Variants in ART3 observed in about 807,000 individuals in gnomAD.
ART3 encodes the protein ecto-ADP-ribosyltransferase 3.
Under a neutral mutation model 48.5 loss-of-function variants are expected in ART3, and 49 were observed. The ratio of observed to expected loss-of-function variants is 1.01; its 90% confidence interval spans 0.80 to 1.28. The LOEUF (loss-of-function observed/expected upper bound fraction) is 1.28. ART3 is among the 50% of genes most tolerant of loss of function. ART3 has a pLI of 0.00. For missense variants in ART3, 438 were observed against 454.3 expected (o/e 0.96, Z 0.33); for synonymous variants, 145 against 157.2 (o/e 0.92, Z 0.58).
chr4:76,110,929 C>T lies in ART3; in HGVS notation c.1037-1457C>T, dbSNP rs540167162. ...ATCATTTACTACCATAAAACATACACAAATCTATTGTAAAACGTTAGTATT... is the reference window on the plus strand; with the variant it reads ...ATCATTTACTACCATAAAACATACATAAATCTATTGTAAAACGTTAGTATT... On this transcript the variant is annotated intron_variant, in intron 11 of 11. Coordinates refer to ENST00000355810, the MANE Select transcript of ART3 (RefSeq NM_001130016.3). 3.1e-4 allele frequency among the ~76,000 whole-genome samples: 46 copies of T among 150,418 alleles called. 1 individual carries two copies. In the South Asian group the frequency reaches 9.7e-3, roughly 32 times the overall value.
chr4:76,060,750 A>G (rs1197814581), intron 1 of ART3, among the ~76,000 whole-genome samples: 3 of 152,198 alleles, frequency 2.0e-5, no homozygotes, highest in Non-Finnish European at 2.9e-5. Flanking sequence ...TTTGATTATG[A>G]GAGATTCCAC....
chr4:76,049,536 G>A (rs1735832904), intron 1 of ART3, among the ~76,000 whole-genome samples: 1 of 151,892 alleles, frequency 6.6e-6, no homozygotes, highest in Non-Finnish European at 1.5e-5. Flanking sequence ...AAGAGTCAGG[G>A]GTTGTTAGAG....
intron 1 of ART3, among the ~76,000 whole-genome samples, chr4:76,049,283 G>A (rs536095056): frequency 6.6e-6 from 1 of 152,102 alleles, no homozygotes; most frequent in African/African-American, 2.4e-5. Flanking sequence ...GAAGACAGGC[G>A]AGAGGAAGTT....
chr4:76,088,960 T>TAA (rs1724221227), intron 3 of ART3, among the ~76,000 whole-genome samples: 1 of 152,192 alleles, frequency 6.6e-6, no homozygotes. Context: ...TGGATCTTTT[T>TAA]AGCAATTGTT....
intron 1 of ART3, among the ~76,000 whole-genome samples, chr4:76,061,157 G>A (rs1719177561): frequency 6.6e-6 from 1 of 152,158 alleles, no homozygotes; most frequent in Admixed American, 6.5e-5. Context: ...GAACTAGTCA[G>A]TTGCCTATTG....
Position 76,112,378 on chromosome 4 carries a change from G to T in ART3, c.1037-8G>T, listed in dbSNP as rs72655520. 0.02 allele frequency: 31,840 copies of T among 1,611,980 alleles called. 374 individuals are homozygous for T. The highest frequency in any genetic ancestry group is 0.023 in the Non-Finnish European group (26,889 of 1,179,216). Reference sequence around the variant, plus strand: ...GATGTGTCAGTGACTGTGTATTCTTGTTAACAGCTCCAGGTCCAGTTCCTG... The same window carrying T: ...GATGTGTCAGTGACTGTGTATTCTTTTTAACAGCTCCAGGTCCAGTTCCTG... On this transcript the variant is annotated splice_region_variant and splice_polypyrimidine_tract_variant and intron_variant, in intron 11 of 11. Transcript: ENST00000355810.
At chr4:76,043,583 C>G (rs1006614286) in intron 1 of ART3, among the ~76,000 whole-genome samples, 3 of 152,216 alleles carry the variant, frequency 2.0e-5, no homozygotes, top group African/African-American at 7.2e-5. Context: ...GTTCCGAGTG[C>G]GGGGCCCACC....
intron 10 of ART3, chr4:76,105,453 G>C: frequency 8.0e-7 from 1 of 1,252,346 alleles, no homozygotes; most frequent in Non-Finnish European, 1.0e-6. Flanking sequence ...CTAGCAAAAT[G>C]AATGGTGGTA....
At chr4:76,035,181 G>C (rs1560586103) in intron 1 of ART3, 1 of 1,613,842 alleles carries the variant, frequency 6.2e-7, no homozygotes, top group East Asian at 2.2e-5. Context: ...AAAAAAGCCT[G>C]CACCATTGTC....
chr4:76,020,611 G>A (rs928335338), intron 1 of ART3, among the ~76,000 whole-genome samples: 1 of 152,196 alleles, frequency 6.6e-6, no homozygotes, highest in Non-Finnish European at 1.5e-5. Context: ...AGGAGAAACA[G>A]ATCTCAGGGA....
intron 1 of ART3, among the ~76,000 whole-genome samples, chr4:76,049,642 GA>G (rs61256927): frequency 0.62 from 93,297 of 151,172 alleles, 30,123 homozygotes; most frequent in East Asian, 0.94. Flanking sequence ...TTTAGCCCCC[GA>G]AATTTTAAGG....
intron 1 of ART3, among the ~76,000 whole-genome samples, chr4:76,043,008 T>C (rs1735121754): frequency 1.3e-5 from 2 of 151,804 alleles, no homozygotes; most frequent in African/African-American, 4.8e-5. Flanking sequence ...ATTAGCTAGA[T>C]ACAGAGTGTC....
chr4:76,080,216 A>G (rs917204499), intron 2 of ART3, among the ~76,000 whole-genome samples: 2 of 152,206 alleles, frequency 1.3e-5, no homozygotes, highest in South Asian at 4.1e-4. Context: ...GTTCACTTGA[A>G]TATTTTGCCA....
chr4:76,099,160 G>A (rs145048649), intron 5 of ART3, 173 bp downstream of exon 5: 7,718 of 608,370 alleles, frequency 0.013, 265 homozygotes, highest in African/African-American at 0.088. Flanking sequence ...AACTTAGCCA[G>A]GCATGGTGGT....
intron 1 of ART3, among the ~76,000 whole-genome samples, chr4:76,014,630 A>G (rs1732097467): frequency 6.6e-6 from 1 of 152,044 alleles, no homozygotes; most frequent in African/African-American, 2.4e-5. Flanking sequence ...ACAGAAGACT[A>G]TTCACAGAAG....
chr4:76,025,413 G>T (rs1185278969), intron 1 of ART3, among the ~76,000 whole-genome samples: 3 of 152,104 alleles, frequency 2.0e-5, no homozygotes, highest in African/African-American at 7.2e-5. Context: ...AATGTAAAAA[G>T]GAGATACTTG....
intron 3 of ART3, among the ~76,000 whole-genome samples, chr4:76,091,346 A>G (rs1355778590): frequency 6.6e-6 from 1 of 152,228 alleles, no homozygotes; most frequent in East Asian, 1.9e-4. Context: ...TACCTGTACC[A>G]TTTTACATTC....
upstream of ART3, among the ~76,000 whole-genome samples, chr4:76,070,118 CTGTGAACATTTGACAGG>C (rs1298025596): frequency 1.3e-5 from 2 of 152,162 alleles, no homozygotes; most frequent in African/African-American, 4.8e-5. Flanking sequence ...AATCAACCTG[CTGTGAACATTTGACAGG>C]TGTGAACATA....
Position 76,056,084 on chromosome 4 carries a change from G to A in ART3, c.-9-19797G>A, listed in dbSNP as rs192885928. 8.2e-4 allele frequency among the ~76,000 whole-genome samples: 125 copies of A among 152,282 alleles called. 3 individuals are homozygous for A. Among genetic ancestry groups the A allele is most frequent in the South Asian group, 6.2e-3 (30 of 4,820 alleles). ...CAGAAAGGACAGAGAAGGAGGCAACGAAACTACTTTAAGACTTCGGTGACA... is the reference window on the plus strand; with the variant it reads ...CAGAAAGGACAGAGAAGGAGGCAACAAAACTACTTTAAGACTTCGGTGACA... On this transcript the variant is annotated intron_variant, in intron 1 of 9. Coordinates refer to the ART3 transcript ENST00000341029.
Sources: gnomAD v4.1 joint callset for allele counts (sites outside exome capture counted in the v4.1 genomes callset) on GRCh38, gnomAD v4.1.1 for gene constraint, MANE v1.5 for transcripts, NCBI Gene and HGNC (gene_info 2026-07-23, HGNC 2026-07-21) for gene names.